The following RBCK1 variants were observed in gnomAD, a reference collection of about 807,000 sequenced individuals.
RBCK1 encodes the protein ranBP-type and C3HC4-type zinc finger-containing protein 1.
RBCK1 carries 44 observed loss-of-function variants against 71.1 expected under a neutral mutation model. The ratio of observed to expected loss-of-function variants is 0.62; its 90% CI spans 0.49 to 0.80. The LOEUF (loss-of-function observed/expected upper bound fraction) is 0.80. Ranked by LOEUF, RBCK1 falls within the 30% of genes least tolerant of loss-of-function variation. RBCK1 has a pLI of 0.00. For synonymous variants in RBCK1, 306 were observed against 279.7 expected, an observed-to-expected ratio of 1.09 and a Z score of -0.94; for missense variants, 569 against 685.0, an observed-to-expected ratio of 0.83 and a Z score of 1.89.
intron 4 of RBCK1, among the ~76,000 whole-genome samples, chr20:418,172 A>G (rs1381022644): frequency 6.6e-6 from 1 of 152,212 alleles, no homozygotes; most frequent in African/African-American, 2.4e-5. Context: ...CAGCTGTGTG[A>G]CCTTGGGCAA....
chr20:411,949 T>A (rs945374436), intron 2 of RBCK1, among the ~76,000 whole-genome samples: 2 of 152,284 alleles, frequency 1.3e-5, no homozygotes, highest in African/African-American at 4.8e-5. Flanking sequence ...CGTGAACATT[T>A]GTGTCCAACT....
intron 8 of RBCK1, among the ~76,000 whole-genome samples, chr20:424,118 G>C (rs1035845622): frequency 1.3e-5 from 2 of 152,208 alleles, no homozygotes; most frequent in East Asian, 3.8e-4. Context: ...AAACAAATTG[G>C]AGTCACCACT....
chr20:416,822 C>T (rs2016019556), intron 2 of RBCK1, among the ~76,000 whole-genome samples: 1 of 152,124 alleles, frequency 6.6e-6, no homozygotes, highest in Admixed American at 6.5e-5. Flanking sequence ...CATAGTGAGA[C>T]CCTGTCTCTA....
rs930495113 is a variant in RBCK1 at position 421,886 on chromosome 20, G to C, written c.918-241G>C. On this transcript the variant is annotated intron_variant, in intron 7 of 11. Transcript: ENST00000356286. Reference sequence around the variant, plus strand: ...CAGGGAGCCCAGCGAGGAGGCTCCTGGAGTCACCCAGGTGGGGGATGTGGG... The same window carrying C: ...CAGGGAGCCCAGCGAGGAGGCTCCTCGAGTCACCCAGGTGGGGGATGTGGG... 85 of 520,050 alleles carry C rather than the reference G, an allele frequency of 1.6e-4. No individual in the cohort carries two copies. The East Asian group carries it at 2.7e-3, about 16-fold the overall frequency. The allele number at this position is 520,050 out of a possible 1,614,324, so 32.2% of individuals were successfully genotyped here.
intron 11 of RBCK1, among the ~76,000 whole-genome samples, chr20:429,365 T>C (rs1295717498): frequency 1.3e-5 from 2 of 152,142 alleles, no homozygotes; most frequent in East Asian, 1.9e-4. Context: ...TAGCTGGGAT[T>C]ACAGGCATGC....
At chr20:429,127 T>G in intron 11 of RBCK1, 33 bp downstream of exon 11, 1 of 1,591,044 alleles carries the variant, frequency 6.3e-7, no homozygotes, top group Non-Finnish European at 8.6e-7. Flanking sequence ...GTGGAGAGGG[T>G]GCCCTTGTGG....
In RBCK1 at chr20:428,978, C is replaced by T. The variant is rs372540581; in HGVS notation, c.1336C>T (p.Arg446Cys). 4.3e-5 allele frequency: 70 copies of T among 1,610,576 alleles called. 1 individual carries two copies. Among genetic ancestry groups the T allele is most frequent in the African/African-American group, 1.9e-4 (14 of 74,896 alleles). Residue 446 changes from arginine (R) to cysteine (C), a missense_variant, in exon 11 of 12, where the codon CGC becomes TGC. Coordinates refer to ENST00000356286, the MANE Select transcript of RBCK1 (RefSeq NM_031229.4). This position sits in a 1 kb window ranked among gnomAD's most constrained non-coding sequence, Gnocchi z 5.7. Reference sequence around the variant, plus strand: ...GATGCTGCAGCAGGGCGAGGCCATGCGCTGCCCCCAGTGCCAGATCGTGGT... The same window carrying T: ...GATGCTGCAGCAGGGCGAGGCCATGTGCTGCCCCCAGTGCCAGATCGTGGT... ...KVMLQQGEAM[R>C]CPQCQIVVQK...
chr20:419,667 A>AG lies in RBCK1; in HGVS notation c.693dup (p.Pro232AlafsTer68). On this transcript the variant is annotated frameshift_variant, in exon 6 of 12. Coordinates refer to ENST00000356286, the MANE Select transcript of RBCK1 (RefSeq NM_031229.4). LOFTEE classifies it high-confidence loss of function. ...GCCTACCAGGTCCCCGCCTCATACC[A>AG]GCCCGACGAGGAGGAGCGAGCGCGC... The AG allele has an allele frequency of 6.3e-7, 1 of 1,582,006 alleles. No individual in the cohort carries two copies. Among genetic ancestry groups the AG allele is most frequent in the South Asian group, 1.1e-5 (1 of 87,440 alleles).
chr20:419,042 T>C (rs1469321938), intron 4 of RBCK1, among the ~76,000 whole-genome samples: 1 of 152,252 alleles, frequency 6.6e-6, no homozygotes, highest in African/African-American at 2.4e-5. Flanking sequence ...AGTCACTGTT[T>C]TGGCAGGACC....
rs756866079 is a variant in RBCK1 at position 417,276 on chromosome 20, G to A, written c.168-250G>A. 5.2e-5 allele frequency: 36 copies of A among 687,716 alleles called. No individual in the cohort carries two copies. Among genetic ancestry groups the A allele is most frequent in the Non-Finnish European group, 9.7e-5 (35 of 362,246 alleles). The allele number at this position is 687,716 out of a possible 1,614,324, so 42.6% of individuals were successfully genotyped here. On this transcript the variant is annotated intron_variant, in intron 2 of 11. Coordinates refer to ENST00000356286, the MANE Select transcript of RBCK1 (RefSeq NM_031229.4). This position sits in a 1 kb window ranked among gnomAD's most constrained non-coding sequence, Gnocchi z 4.7. Reference sequence around the variant, plus strand: ...GAGGTCAGGGAGGTGCCAGATCATGGAGGCCCTCGTGTGCTGCCACGAGTT... The same window carrying A: ...GAGGTCAGGGAGGTGCCAGATCATGAAGGCCCTCGTGTGCTGCCACGAGTT...
chr20:415,465 T>G (rs925145810), intron 2 of RBCK1, among the ~76,000 whole-genome samples: 1 of 152,216 alleles, frequency 6.6e-6, no homozygotes, highest in Non-Finnish European at 1.5e-5. Flanking sequence ...CTGTTTATAT[T>G]CACATTTTCC....
chr20:408,877 C>T, intron 1 of RBCK1, 98 bp downstream of exon 1: 1 of 1,387,290 alleles, frequency 7.2e-7, no homozygotes, highest in Middle Eastern at 2.0e-4. Flanking sequence ...GGAGAGGGGG[C>T]TTTAGCCTGC....
Position 429,052 on chromosome 20 carries a change from C to A in RBCK1, c.1410C>A (p.Thr470=). 11 of 1,613,040 alleles carry A rather than the reference C, an allele frequency of 6.8e-6. No homozygotes were observed. Among genetic ancestry groups the A allele is most frequent in the Non-Finnish European group, 9.3e-6 (11 of 1,179,922 alleles). The change falls in exon 11 of 12, where the codon ACC becomes ACA. Residue 470 remains threonine, a synonymous_variant. Transcript: ENST00000356286. ...GGATCCGCTGCACCGTCTGCCACAC[C>A]GAGATCTGCTGGGTCACCAAGGGCC... ...CDWIRCTVCH[T]EICWVTKGPR...
At chr20:426,188 C>T (rs982896573) in intron 8 of RBCK1, among the ~76,000 whole-genome samples, 2 of 152,192 alleles carry the variant, frequency 1.3e-5, no homozygotes, top group Admixed American at 1.3e-4. Context: ...AATCCATCCC[C>T]TCAAGCATTT....
In RBCK1 at chr20:427,353, G is replaced by C; in HGVS notation, c.1070G>C (p.Gly357Ala). The C allele has an allele frequency of 6.2e-7, 1 of 1,614,132 alleles. No individual in the cohort carries two copies. The highest frequency in any genetic ancestry group is 8.5e-7 in the Non-Finnish European group (1 of 1,180,024). ...PEDYQRFLDL[G>A]ISIAENRSAF... Reference sequence around the variant, plus strand: ...GATTACCAGCGATTTCTAGACCTGGGCATCTCCATTGCTGAAAACCGCAGT... The same window carrying C: ...GATTACCAGCGATTTCTAGACCTGGCCATCTCCATTGCTGAAAACCGCAGT... The change falls in exon 9 of 12, where the codon GGC (glycine) becomes GCC (alanine). Residue 357 changes from glycine (G) to alanine (A), a missense_variant. Transcript: ENST00000356286.
At chr20:418,108 CATG>C (rs1412685640) in intron 4 of RBCK1, among the ~76,000 whole-genome samples, 178 bp downstream of exon 4, 1 of 152,172 alleles carries the variant, frequency 6.6e-6, no homozygotes, top group Non-Finnish European at 1.5e-5. Flanking sequence ...AGGGACCCAT[CATG>C]AGAACAGCTG....
intron 8 of RBCK1, among the ~76,000 whole-genome samples, chr20:426,929 G>A (rs551062353): frequency 4.1e-5 from 6 of 145,110 alleles, no homozygotes; most frequent in African/African-American, 1.0e-4. Context: ...GGGCTCAAGC[G>A]ATCCTCACAA....
chr20:429,279 T>TGC (rs1454753851), intron 11 of RBCK1, among the ~76,000 whole-genome samples, 185 bp downstream of exon 11: 1 of 150,104 alleles, frequency 6.7e-6, no homozygotes, highest in African/African-American at 2.5e-5. Context: ...CAGGCTGGAG[T>TGC]GCAATAGCAC....
chr20:413,721 A>T (rs1490852861), intron 2 of RBCK1, among the ~76,000 whole-genome samples: 1 of 152,126 alleles, frequency 6.6e-6, no homozygotes, highest in Non-Finnish European at 1.5e-5. Context: ...GCTCTGGGCA[A>T]CCGGCACCTC....
Sources: allele counts gnomAD v4.1 joint callset (sites outside exome capture counted in the v4.1 genomes callset), GRCh38; gene constraint gnomAD v4.1.1; non-coding constraint Gnocchi (gnomAD v3.1); transcripts MANE v1.5; gene names NCBI Gene and HGNC (gene_info 2026-07-23, HGNC 2026-07-21).